Variants in HCRTR2 observed in about 807,000 individuals in gnomAD.
The protein encoded by HCRTR2 is orexin receptor type 2.
A neutral mutation model predicts 49.0 loss-of-function variants in HCRTR2; 22 were observed. The observed-to-expected ratio is 0.45, with a 90% CI of 0.32 to 0.64. HCRTR2 has a LOEUF of 0.64. Ranked by LOEUF, HCRTR2 falls within the 30% of genes least tolerant of loss-of-function variation. HCRTR2 has a pLI of 0.04. For synonymous variants in HCRTR2, 236 were observed against 205.3 expected (o/e 1.15, Z -1.28); for missense variants, 491 against 559.4 (o/e 0.88, Z 1.23).
intron 4 of HCRTR2, among the ~76,000 whole-genome samples, chr6:55,274,924 T>C (rs1014797403): frequency 1.3e-5 from 2 of 152,174 alleles, no homozygotes; most frequent in Non-Finnish European, 2.9e-5. Context: ...ATTTATTCTT[T>C]ACTGTTTGAT....
intron 1 of HCRTR2, among the ~76,000 whole-genome samples, chr6:55,223,873 T>C (rs1044964312): frequency 4.6e-5 from 7 of 152,092 alleles, no homozygotes; most frequent in African/African-American, 1.7e-4. Context: ...ATTATTTATA[T>C]GCAGGGAAGT....
chr6:55,195,667 G>A (rs1035479086), intron 1 of HCRTR2, among the ~76,000 whole-genome samples: 3 of 152,010 alleles, frequency 2.0e-5, no homozygotes, highest in African/African-American at 7.2e-5. Flanking sequence ...CACATTGTAT[G>A]CTTATATAAA....
chr6:55,216,713 A>G (rs1440877608), intron 1 of HCRTR2, among the ~76,000 whole-genome samples: 1 of 152,114 alleles, frequency 6.6e-6, no homozygotes, highest in Non-Finnish European at 1.5e-5. Context: ...GCTTTCTCAG[A>G]TTGGAATTGC....
intron 1 of HCRTR2, among the ~76,000 whole-genome samples, chr6:55,109,390 A>G (rs1052035401): frequency 6.6e-6 from 1 of 152,194 alleles, no homozygotes; most frequent in African/African-American, 2.4e-5. Flanking sequence ...AATTGCCAGA[A>G]AAAGAATTCA....
chr6:55,141,459 T>C (rs1764506550), intron 1 of HCRTR2, among the ~76,000 whole-genome samples: 1 of 152,210 alleles, frequency 6.6e-6, no homozygotes. Flanking sequence ...AAAGTGAAGT[T>C]AGAAGAAGAG....
At chr6:55,153,468 A>G (rs1490151626) in intron 1 of HCRTR2, among the ~76,000 whole-genome samples, 3 of 152,070 alleles carry the variant, frequency 2.0e-5, no homozygotes, top group African/African-American at 4.8e-5. Context: ...ACATATATCT[A>G]AACATAGAAA....
chr6:55,267,120 G>C (rs753632373), intron 4 of HCRTR2, among the ~76,000 whole-genome samples: 6 of 152,058 alleles, frequency 3.9e-5, no homozygotes, highest in Admixed American at 6.6e-5. Flanking sequence ...ATAGAATTCT[G>C]CTTGAGCAAC....
chr6:55,107,308 A>G (rs1005005035), intron 1 of HCRTR2, among the ~76,000 whole-genome samples: 2 of 152,052 alleles, frequency 1.3e-5, no homozygotes, highest in Non-Finnish European at 2.9e-5. Flanking sequence ...TCTTCTTCCT[A>G]CTCTGACTTC....
Position 55,276,053 on chromosome 6 carries a change from T to C in HCRTR2, c.763-1327T>C, listed in dbSNP as rs567829587. Among the ~76,000 whole-genome samples, 4 of 152,332 alleles carry C rather than the reference T, an allele frequency of 2.6e-5. No homozygotes were observed. In the South Asian group the frequency reaches 8.3e-4, roughly 32 times the overall value. ...GGAACATTCCAGCATCCATTGCTCA[T>C]TCTTTTCAGTTATTTTTTAAAATTG... On this transcript the variant is annotated intron_variant, in intron 4 of 6. Transcript: ENST00000370862.
chr6:55,282,946 T>C (rs906022033), downstream of HCRTR2, among the ~76,000 whole-genome samples: 2 of 152,132 alleles, frequency 1.3e-5, no homozygotes, highest in African/African-American at 4.8e-5. Context: ...TGAGAAAATA[T>C]TTATATATAA....
chr6:55,282,325 G>C lies in HCRTR2; in HGVS notation c.1206G>C (p.Glu402Asp), dbSNP rs199667261. 3.7e-6 allele frequency: 6 copies of C among 1,613,732 alleles called. No homozygotes were observed. Among genetic ancestry groups the C allele is most frequent in the Non-Finnish European group, 5.1e-6 (6 of 1,179,900 alleles). Residue 402 changes from glutamate (E) to aspartate (D), a missense_variant, in exon 7 of 7, where the codon GAG (glutamate) becomes GAC (aspartate). Glu to Asp is a conservative substitution (Grantham distance 45). Transcript: ENST00000370862. ...DRLTRGRTST[E>D]SRKSLTTQIS... ...TCACCAGGGGACGAACTAGCACAGA[G>C]AGCCGGAAGTCCTTGACCACTCAAA... is the stretch of plus-strand genomic sequence containing the variant.
At chr6:55,150,934 T>G (rs1764657069) in intron 1 of HCRTR2, among the ~76,000 whole-genome samples, 1 of 152,038 alleles carries the variant, frequency 6.6e-6, no homozygotes, top group Non-Finnish European at 1.5e-5. Context: ...CCACAAATGT[T>G]TTGGTTTTCC....
chr6:55,252,343 G>T (rs1243615429), intron 2 of HCRTR2, among the ~76,000 whole-genome samples: 1 of 152,082 alleles, frequency 6.6e-6, no homozygotes, highest in Non-Finnish European at 1.5e-5. Flanking sequence ...CACTAGAAAT[G>T]ACATTGATAT....
intron 1 of HCRTR2, among the ~76,000 whole-genome samples, chr6:55,119,798 A>T (rs1764170607): frequency 6.6e-6 from 1 of 151,298 alleles, no homozygotes; most frequent in Admixed American, 6.6e-5. Flanking sequence ...TCAATTTTTG[A>T]CTTTTGTTGC....
intron 1 of HCRTR2, among the ~76,000 whole-genome samples, chr6:55,230,718 G>A (rs188883725): frequency 2.6e-5 from 4 of 152,240 alleles, no homozygotes; most frequent in Admixed American, 2.6e-4. Context: ...AGGCATATTT[G>A]CAAACTTGAA....
chr6:55,212,747 T>G (rs1373297621), intron 1 of HCRTR2, among the ~76,000 whole-genome samples: 1 of 152,192 alleles, frequency 6.6e-6, no homozygotes, highest in Non-Finnish European at 1.5e-5. Context: ...TTATCTGGAT[T>G]CTTAAATAAC....
At chr6:55,250,250 GA>G (rs1766524153) in intron 2 of HCRTR2, among the ~76,000 whole-genome samples, 1 of 151,360 alleles carries the variant, frequency 6.6e-6, no homozygotes, top group South Asian at 2.1e-4. Flanking sequence ...TTTTGTGTGT[GA>G]GGAAAAACTA....
chr6:55,262,255 A>C (rs1316193837), intron 3 of HCRTR2, among the ~76,000 whole-genome samples: 2 of 149,334 alleles, frequency 1.3e-5, no homozygotes, highest in Non-Finnish European at 3.0e-5. Flanking sequence ...CCCAAAACCT[A>C]TCGGAATAAA....
intron 3 of HCRTR2, among the ~76,000 whole-genome samples, chr6:55,261,485 A>C (rs944071675): frequency 3.6e-4 from 55 of 151,246 alleles, no homozygotes; most frequent in Admixed American, 3.6e-3. Context: ...GCTCTCTGCG[A>C]CCTCCACCTC....
Sources: gnomAD v4.1 joint callset for allele counts (sites outside exome capture counted in the v4.1 genomes callset) on GRCh38, gnomAD v4.1.1 for gene constraint, MANE v1.5 for transcripts, NCBI Gene and HGNC (gene_info 2026-07-23, HGNC 2026-07-21) for gene names.